Variants in RPAP2 observed in about 807,000 individuals in gnomAD.
RPAP2 encodes the protein RNA polymerase II associated protein 2, also known as putative RNA polymerase II subunit B1 CTD phosphatase RPAP2.
In RPAP2, 52 loss-of-function variants were observed where a neutral mutation model predicts 73.1. That is an observed-to-expected ratio of 0.71 (90% CI 0.57 to 0.90). RPAP2 has a LOEUF of 0.90. RPAP2 is among the 40% of genes least tolerant of loss of function. The pLI is 0.00. For missense variants in RPAP2, 598 were observed against 701.8 expected, an observed-to-expected ratio of 0.85 and a Z score of 1.67; for synonymous variants, 225 against 242.1, an observed-to-expected ratio of 0.93 and a Z score of 0.65.
chr1:92,373,018 T>G (rs1266701015), intron 11 of RPAP2, among the ~76,000 whole-genome samples: 1 of 152,228 alleles, frequency 6.6e-6, no homozygotes, highest in Non-Finnish European at 1.5e-5. Context: ...AAGTAATTAT[T>G]GATGATCTAC....
chr1:92,329,757 A>G (rs1389500825), intron 8 of RPAP2, among the ~76,000 whole-genome samples: 1 of 152,174 alleles, frequency 6.6e-6, no homozygotes, highest in Admixed American at 6.5e-5. Context: ...TGATTGAGCT[A>G]TAATAGCCTT....
rs2101462927 is a variant in RPAP2, at chr1:92,388,094, G to C, written c.*1083G>C. The C allele has an allele frequency of 6.6e-6, 1 of 152,238 alleles. No homozygotes were observed. The highest frequency in any genetic ancestry group is 1.5e-5 in the Non-Finnish European group (1 of 68,008). The allele number at this position is 152,238 out of a possible 1,614,324, so 9.4% of individuals were successfully genotyped here. On this transcript the variant is annotated 3_prime_UTR_variant, in exon 13 of 13. Coordinates refer to ENST00000610020, the MANE Select transcript of RPAP2 (RefSeq NM_024813.3). ...TCAAGTTCAGCAAGGTCACAGGCTA[G>C]ATCAATATACAGAAAATCAATTGTA...
At position 92,323,743 on chromosome 1, in the gene RPAP2, GGCGATT is replaced by G; in HGVS notation, c.826_831del (p.Asp276_Cys277del). ...AGTAGTAGATGTCACTGAGCAGTTA[GGCGATT>G]GCAAATTAGATAGTCAGGAGAAAGA... On this transcript the variant is annotated inframe_deletion, in exon 8 of 13. Transcript: ENST00000610020. 6.2e-7 allele frequency: 1 copy of G among 1,614,126 alleles called. No individual in the cohort carries two copies. The highest frequency in any genetic ancestry group is 8.5e-7 in the Non-Finnish European group (1 of 1,180,018).
chr1:92,393,377 C>T lies in RPAP2; in HGVS notation c.*6366C>T, dbSNP rs1046622472. On this transcript the variant is annotated 3_prime_UTR_variant, in exon 13 of 13. Transcript: ENST00000610020. ...ACGTAAGACCTAGGACCATAAAAATCCTAGAAGAAAACCTGGGCAATACCA... is the reference window on the plus strand; with the variant it reads ...ACGTAAGACCTAGGACCATAAAAATTCTAGAAGAAAACCTGGGCAATACCA... The T allele has an allele frequency of 6.6e-6, 1 of 152,144 alleles. No homozygotes were observed. The highest frequency in any genetic ancestry group is 1.5e-5 in the Non-Finnish European group (1 of 68,036). 9.4% of individuals were successfully genotyped at this position (152,144 alleles called of 1,614,324 possible).
At chr1:92,361,114 C>A (rs1654712840) in intron 11 of RPAP2, among the ~76,000 whole-genome samples, 1 of 62,160 alleles carries the variant, frequency 1.6e-5, no homozygotes, top group Non-Finnish European at 3.1e-5. Context: ...CACACACACA[C>A]ACATATATAT....
intron 11 of RPAP2, among the ~76,000 whole-genome samples, chr1:92,364,213 C>G (rs997495834): frequency 1.3e-5 from 2 of 152,164 alleles, no homozygotes; most frequent in Admixed American, 6.5e-5. Flanking sequence ...CCCCATATCT[C>G]CATACCACCA....
At chr1:92,300,819 G>A (rs1400852872) in intron 2 of RPAP2, among the ~76,000 whole-genome samples, 1 of 152,180 alleles carries the variant, frequency 6.6e-6, no homozygotes, top group Non-Finnish European at 1.5e-5. Context: ...TATAAGATAT[G>A]TCGGACCTGT....
intron 12 of RPAP2, among the ~76,000 whole-genome samples, chr1:92,383,295 A>G (rs1292902299): frequency 6.6e-6 from 1 of 151,920 alleles, no homozygotes; most frequent in African/African-American, 2.4e-5. Context: ...GTTTTTTCCA[A>G]TTCTGTGAAG....
intron 8 of RPAP2, among the ~76,000 whole-genome samples, chr1:92,328,640 T>C (rs772935693): frequency 6.6e-6 from 1 of 152,214 alleles, no homozygotes; most frequent in Non-Finnish European, 1.5e-5. Context: ...TGAATCCTTT[T>C]TCTGGCAATT....
intron 6 of RPAP2, among the ~76,000 whole-genome samples, chr1:92,311,739 A>G (rs897843892): frequency 1.3e-5 from 2 of 152,242 alleles, no homozygotes; most frequent in African/African-American, 4.8e-5. Flanking sequence ...CAATAAAGCA[A>G]TCATGGATTT....
At chr1:92,326,198 T>TA in intron 8 of RPAP2, among the ~76,000 whole-genome samples, 1 of 152,272 alleles carries the variant, frequency 6.6e-6, no homozygotes, top group Non-Finnish European at 1.5e-5. Flanking sequence ...TTGATATAGT[T>TA]AGTTTTAGCC....
chr1:92,371,315 AAAAAAT>A (rs1329398235), intron 11 of RPAP2, among the ~76,000 whole-genome samples: 1 of 39,252 alleles, frequency 2.5e-5, no homozygotes, highest in African/African-American at 9.6e-5. Flanking sequence ...AAAAAAAAAA[AAAAAAT>A]ATATATATAT....
At chr1:92,352,058 T>A (rs762381558) in intron 11 of RPAP2, among the ~76,000 whole-genome samples, 3 of 152,216 alleles carry the variant, frequency 2.0e-5, no homozygotes, top group Non-Finnish European at 2.9e-5. Flanking sequence ...TAGTCTAACA[T>A]GGATACATGC....
rs1014022458 is a variant in RPAP2 at position 92,391,370 on chromosome 1, C to T, written c.*4359C>T. On this transcript the variant is annotated 3_prime_UTR_variant, in exon 13 of 13. Transcript: ENST00000610020. ...ACACAATGTACCAGAATCTCTAGGA[C>T]ATGTTTAAAGCAGTATGTAGAGGGA... The T allele has an allele frequency of 6.6e-6, 1 of 152,074 alleles. No individual in the cohort carries two copies. The highest frequency in any genetic ancestry group is 2.4e-5 in the African/African-American group (1 of 41,424). The allele number at this position is 152,074 out of a possible 1,614,324, so 9.4% of individuals were successfully genotyped here.
In RPAP2 at chr1:92,299,099, C is replaced by A; in HGVS notation, c.26C>A (p.Ser9Tyr). ...ATGGCGGACTTCGCTGGGCCGTCTT[C>A]TGCCGGCCGCAAGGCCGGGGCTCCC... is the stretch of plus-strand genomic sequence containing the variant. Reference protein sequence around the residue: MADFAGPSSAGRKAGAPRC... With the variant: MADFAGPSYAGRKAGAPRC... The change falls in exon 1 of 13, where the codon TCT becomes TAT. Residue 9 changes from serine to tyrosine, a missense_variant. Ser to Tyr is a moderately radical substitution (Grantham distance 144). Around this residue, in one of 3 missense-constraint regions of RPAP2, gnomAD observed 77 missense variants for 55.7 expected, o/e 1.38. Coordinates refer to ENST00000610020, the MANE Select transcript of RPAP2 (RefSeq NM_024813.3). 1 of 1,520,906 alleles carries A rather than the reference C, an allele frequency of 6.6e-7. No individual in the cohort carries two copies. Among genetic ancestry groups the A allele is most frequent in the Non-Finnish European group, 8.8e-7 (1 of 1,131,206 alleles). 94.2% of individuals were successfully genotyped at this position (1,520,906 alleles called of 1,614,324 possible).
chr1:92,323,741 T>C lies in RPAP2; in HGVS notation c.821T>C (p.Leu274Ser), dbSNP rs756511793. 1.9e-6 allele frequency: 3 copies of C among 1,614,132 alleles called. No homozygotes were observed. The highest frequency in any genetic ancestry group is 2.5e-6 in the Non-Finnish European group (3 of 1,180,006). The change falls in exon 8 of 13, where the codon TTA becomes TCA. Residue 274 changes from leucine (L) to serine (S), a missense_variant. Around this residue, in one of 3 missense-constraint regions of RPAP2, gnomAD observed 506 missense variants for 612.8 expected, o/e 0.83. Transcript: ENST00000610020. Reference sequence around the variant, plus strand: ...ACAGTAGTAGATGTCACTGAGCAGTTAGGCGATTGCAAATTAGATAGTCAG... The same window carrying C: ...ACAGTAGTAGATGTCACTGAGCAGTCAGGCGATTGCAAATTAGATAGTCAG... ...EQTVVDVTEQ[L>S]GDCKLDSQEK...
At chr1:92,320,167 G>T (rs919160290) in intron 6 of RPAP2, among the ~76,000 whole-genome samples, 23 of 152,100 alleles carry the variant, frequency 1.5e-4, no homozygotes, top group African/African-American at 5.5e-4. Context: ...ACTTTATTGG[G>T]CTGGTGGAAT....
chr1:92,386,732 G>C (rs1450072386), intron 12 of RPAP2, among the ~76,000 whole-genome samples: 5 of 151,892 alleles, frequency 3.3e-5, no homozygotes. Context: ...ATGGTGTCTT[G>C]CTCTGTCACC....
chr1:92,339,142 T>G (rs550929477), intron 10 of RPAP2, among the ~76,000 whole-genome samples: 2 of 152,324 alleles, frequency 1.3e-5, no homozygotes, highest in African/African-American at 4.8e-5. Flanking sequence ...AGATCTAATT[T>G]GATGTCTCTT....
Sources: gnomAD v4.1 joint callset for allele counts (sites outside exome capture counted in the v4.1 genomes callset) on GRCh38, gnomAD v4.1.1 for gene constraint, gnomAD v4.1.1 regional missense constraint, MANE v1.5 for transcripts, NCBI Gene and HGNC (gene_info 2026-07-23, HGNC 2026-07-21) for gene names.